Variants in ECHDC3 observed in about 807,000 individuals in gnomAD.
The protein encoded by ECHDC3 is enoyl-CoA hydratase domain-containing protein 3, mitochondrial.
A neutral mutation model predicts 17.9 loss-of-function variants in ECHDC3; 20 were observed. The observed-to-expected ratio is 1.12, with a 90% CI of 0.79 to 1.63. The LOEUF (loss-of-function observed/expected upper bound fraction) is 1.63, where lower values mean the gene tolerates loss of function less well. Ranked by LOEUF, ECHDC3 falls within the 40% of genes most tolerant of loss-of-function variation. The pLI is 0.00. For missense variants in ECHDC3, 407 were observed against 357.7 expected (o/e 1.14, Z -1.11); for synonymous variants, 177 against 149.7 (o/e 1.18, Z -1.33).
At chr10:11,758,732 C>T (rs1293504179) in intron 4 of ECHDC3, among the ~76,000 whole-genome samples, 11 of 152,216 alleles carry the variant, frequency 7.2e-5, no homozygotes, top group Non-Finnish European at 4.4e-5. Flanking sequence ...AGTGTGCTTC[C>T]CTCAGAGCCT....
At chr10:11,761,614 G>A (rs1222177109) in intron 4 of ECHDC3, among the ~76,000 whole-genome samples, 5 of 152,250 alleles carry the variant, frequency 3.3e-5, no homozygotes, top group African/African-American at 4.8e-5. Flanking sequence ...GCTTGCTCAC[G>A]TGTCTGGCTG....
rs554430984 is a variant in ECHDC3, at chr10:11,744,008, G to A, written c.170+1262G>A. ...CAGCATTATGTTGGGCACTAAGCAG[G>A]TGAACTTGAGCAAGAACTTGAGCGA... On this transcript the variant is annotated intron_variant, in intron 1 of 4. Coordinates refer to ENST00000379215, the MANE Select transcript of ECHDC3 (RefSeq NM_024693.5). Among the ~76,000 whole-genome samples, 27 of 152,320 alleles carry A rather than the reference G, an allele frequency of 1.8e-4. No homozygotes were observed. The South Asian group carries it at 5.6e-3, about 32-fold the overall frequency.
intron 4 of ECHDC3, among the ~76,000 whole-genome samples, chr10:11,761,060 C>G (rs1299112527): frequency 6.8e-6 from 1 of 147,012 alleles, no homozygotes; most frequent in African/African-American, 2.5e-5. Context: ...CTGCATCACC[C>G]GTCCCTGGCT....
intron 1 of ECHDC3, 43 bp downstream of exon 1, chr10:11,742,789 C>T: frequency 8.2e-7 from 1 of 1,224,176 alleles, no homozygotes; most frequent in Non-Finnish European, 1.0e-6. Flanking sequence ...GGTGCCGAGT[C>T]GGGGTCAGGG....
At chr10:11,754,125 A>G (rs1017022710) in intron 3 of ECHDC3, among the ~76,000 whole-genome samples, 2 of 152,222 alleles carry the variant, frequency 1.3e-5, no homozygotes, top group Non-Finnish European at 2.9e-5. Context: ...ACCTCCCCCA[A>G]AAAAAGTCAA....
intron 1 of ECHDC3, among the ~76,000 whole-genome samples, chr10:11,744,328 G>A (rs1308874405): frequency 2.6e-5 from 4 of 152,134 alleles, no homozygotes; most frequent in African/African-American, 9.7e-5. Context: ...AAAAGAGATG[G>A]TGAAAAAATG....
At chr10:11,757,065 T>C (rs922694060) in intron 4 of ECHDC3, among the ~76,000 whole-genome samples, 1 of 152,208 alleles carries the variant, frequency 6.6e-6, no homozygotes, top group Non-Finnish European at 1.5e-5. Context: ...AGACTCTACT[T>C]TGTGTATAAC....
At chr10:11,762,775 CT>C (rs900981073) in intron 4 of ECHDC3, among the ~76,000 whole-genome samples, 2 of 152,168 alleles carry the variant, frequency 1.3e-5, no homozygotes, top group African/African-American at 4.8e-5. Context: ...TGGGTCTGCT[CT>C]TTCCAGTCAG....
chr10:11,744,618 T>G (rs1172816441), intron 1 of ECHDC3, among the ~76,000 whole-genome samples: 1 of 152,028 alleles, frequency 6.6e-6, no homozygotes, highest in African/African-American at 2.4e-5. Context: ...TTGGTGGAGC[T>G]CTCGGTGCAA....
At chr10:11,743,921 C>A (rs1403498303) in intron 1 of ECHDC3, among the ~76,000 whole-genome samples, 1 of 152,248 alleles carries the variant, frequency 6.6e-6, no homozygotes, top group East Asian at 1.9e-4. Context: ...GACTGAAACA[C>A]TCTCACATGA....
intron 3 of ECHDC3, among the ~76,000 whole-genome samples, chr10:11,750,782 C>T (rs1331334740): frequency 6.6e-6 from 1 of 152,106 alleles, no homozygotes; most frequent in Admixed American, 6.6e-5. Flanking sequence ...TTTATTCATT[C>T]ATTGACTTAT....
At chr10:11,747,922 T>A (rs920420698) in intron 2 of ECHDC3, among the ~76,000 whole-genome samples, 1 of 152,226 alleles carries the variant, frequency 6.6e-6, no homozygotes, top group Admixed American at 6.5e-5. Flanking sequence ...GTTTGCTTGC[T>A]CCAAAAGGAA....
chr10:11,763,607 G>C lies in ECHDC3; in HGVS notation c.*63G>C, dbSNP rs1832980173. The C allele has an allele frequency of 9.0e-6, 13 of 1,439,588 alleles. No individual in the cohort carries two copies. Among genetic ancestry groups the C allele is most frequent in the Non-Finnish European group, 1.0e-5 (11 of 1,100,188 alleles). The allele number at this position is 1,439,588 out of a possible 1,614,324, so 89.2% of individuals were successfully genotyped here. On this transcript the variant is annotated 3_prime_UTR_variant, in exon 5 of 5. Coordinates refer to ENST00000379215, the MANE Select transcript of ECHDC3 (RefSeq NM_024693.5). This position sits in a 1 kb window ranked among gnomAD's most constrained non-coding sequence, Gnocchi z 4.9. ...GGAGCCCACCTTCCCCTCTGGCCCA[G>C]CCACCACTGCCTCTCAGCTTCAACA...
chr10:11,752,278 ATTTTTT>A lies in ECHDC3; in HGVS notation c.390+2702_390+2707del, dbSNP rs58654458. The stretch of plus-strand genomic sequence containing the variant: ...AGGTATGCACCACCATGCCCGGTTA[ATTTTTT>A]TTTTTTTTTTTTTTTAGTAGAAATG... On this transcript the variant is annotated intron_variant, in intron 3 of 4. Coordinates refer to ENST00000379215, the MANE Select transcript of ECHDC3 (RefSeq NM_024693.5). 7 of 99,322 alleles carry A rather than the reference ATTTTTT, an allele frequency of 7.0e-5. No homozygotes were observed. The Admixed American group carries it at 8.8e-4, about 13-fold the overall frequency. The allele number at this position is 99,322 out of a possible 1,614,324, so 6.2% of individuals were successfully genotyped here. A position where few individuals can be genotyped will look rare whatever the true frequency, so the allele number is the denominator to read the frequency against.
At position 11,747,234 on chromosome 10, in the gene ECHDC3, A is replaced by G. The variant is rs571272022; in HGVS notation, c.171-115A>G. The G allele has an allele frequency of 6.6e-6, 9 of 1,366,054 alleles. No homozygotes were observed. In the African/African-American group the frequency reaches 1.3e-4, roughly 20 times the overall value. The allele number at this position is 1,366,054 out of a possible 1,614,324, so 84.6% of individuals were successfully genotyped here. On this transcript the variant is annotated intron_variant, in intron 1 of 4. Coordinates refer to ENST00000379215, the MANE Select transcript of ECHDC3 (RefSeq NM_024693.5). ...ACCCTCTAAATTGGCACTAAGCCCCAGCAGTTCTCCTTTCTTGTCTGTTAA... is the reference window on the plus strand; with the variant it reads ...ACCCTCTAAATTGGCACTAAGCCCCGGCAGTTCTCCTTTCTTGTCTGTTAA...
Position 11,742,580 on chromosome 10 carries a change from G to A in ECHDC3, c.4G>A (p.Ala2Thr). The A allele has an allele frequency of 7.8e-7, 1 of 1,286,338 alleles. No homozygotes were observed. Among genetic ancestry groups the A allele is most frequent in the Non-Finnish European group, 9.8e-7 (1 of 1,018,308 alleles). 79.7% of individuals were successfully genotyped at this position (1,286,338 alleles called of 1,614,324 possible). A position where few individuals can be genotyped will look rare whatever the true frequency, so the allele number is the denominator to read the frequency against. ...GCGTCTGGCCATCCCGAATGCTATGGCCGCCGTCGCCGTCTTGCGGGCCTT... is the reference window on the plus strand; with the variant it reads ...GCGTCTGGCCATCCCGAATGCTATGACCGCCGTCGCCGTCTTGCGGGCCTT... The part of the protein sequence containing the change: M[A>T]AVAVLRAFGA... Residue 2 changes from alanine to threonine, a missense_variant, in exon 1 of 5, where the codon GCC becomes ACC. Transcript: ENST00000379215.
At chr10:11,747,623 TG>T (rs1832776973) in intron 2 of ECHDC3, among the ~76,000 whole-genome samples, 153 bp downstream of exon 2, 1 of 152,198 alleles carries the variant, frequency 6.6e-6, no homozygotes, top group Admixed American at 6.6e-5. Flanking sequence ...GTGTAGTTGG[TG>T]GTTTGGTCCT....
Position 11,763,479 on chromosome 10 carries a change from G to T in ECHDC3, c.847G>T (p.Gly283Trp). The stretch of plus-strand genomic sequence containing the variant: ...GGTGGACAACCTGGCCCTGCGGGAC[G>T]GGCAGGAGGGCATCACGGCCTTCCT... ...AMVDNLALRDGQEGITAFLQK... is the reference protein window; with the variant it reads ...AMVDNLALRDWQEGITAFLQK... Residue 283 changes from glycine to tryptophan, a missense_variant, in exon 5 of 5, where the codon GGG becomes TGG. Physicochemically the swap from Gly to Trp is radical, Grantham distance 184. Coordinates refer to ENST00000379215, the MANE Select transcript of ECHDC3 (RefSeq NM_024693.5). The surrounding 1 kb of genome is among the most constrained non-coding windows in gnomAD (Gnocchi z 4.9). 1 of 1,119,122 alleles carries T rather than the reference G, an allele frequency of 8.9e-7. No homozygotes were observed. Among genetic ancestry groups the T allele is most frequent in the Non-Finnish European group, 1.3e-6 (1 of 742,546 alleles). The allele number at this position is 1,119,122 out of a possible 1,614,324, so 69.3% of individuals were successfully genotyped here.
intron 4 of ECHDC3, among the ~76,000 whole-genome samples, chr10:11,761,510 C>T (rs976430570): frequency 6.6e-6 from 1 of 152,240 alleles, no homozygotes; most frequent in African/African-American, 2.4e-5. Context: ...TAGCTCAAGA[C>T]AACAGAATTT....
Sources: gnomAD v4.1 joint callset for allele counts (sites outside exome capture counted in the v4.1 genomes callset) on GRCh38, gnomAD v4.1.1 for gene constraint, Gnocchi (gnomAD v3.1) non-coding constraint, MANE v1.5 for transcripts, NCBI Gene and HGNC (gene_info 2026-07-23, HGNC 2026-07-21) for gene names.